The following ADGRG7 variants were observed in gnomAD, a reference collection of about 807,000 sequenced individuals.
The protein encoded by ADGRG7 is G-protein coupled receptor 128.
A neutral mutation model predicts 88.6 loss-of-function variants in ADGRG7; 82 were observed. That is an observed-to-expected ratio of 0.93 (90% CI 0.77 to 1.11). The LOEUF (loss-of-function observed/expected upper bound fraction) is 1.11. Among genes scored for constraint, ADGRG7 ranks in the 50% most tolerant of loss-of-function variants. ADGRG7 has a pLI of 0.00. For missense variants in ADGRG7, 945 were observed against 953.4 expected, an observed-to-expected ratio of 0.99 and a Z score of 0.12; for synonymous variants, 381 against 345.2, an observed-to-expected ratio of 1.10 and a Z score of -1.15.
chr3:100,655,326 G>A (rs927592522), intron 12 of ADGRG7, 145 bp downstream of exon 12: 24 of 595,518 alleles, frequency 4.0e-5, no homozygotes, highest in Admixed American at 3.0e-4. Context: ...AATACGTTCC[G>A]TCTAGTAGCT....
At chr3:100,617,651 T>G (rs74473858) in intron 1 of ADGRG7, among the ~76,000 whole-genome samples, 77,215 of 151,888 alleles carry the variant, frequency 0.51, 21,694 homozygotes, top group South Asian at 0.76. Flanking sequence ...TCTTTGCTAT[T>G]GTGAATAGTG....
intron 1 of ADGRG7, among the ~76,000 whole-genome samples, chr3:100,613,041 C>A (rs539572276): frequency 2.6e-5 from 4 of 152,222 alleles, no homozygotes; most frequent in Admixed American, 2.6e-4. Context: ...AGGCACTCAC[C>A]ACCACGCCTG....
rs752213605 is a variant in ADGRG7, at chr3:100,645,941, A to G, written c.947-4A>G. 6 of 1,611,606 alleles carry G rather than the reference A, an allele frequency of 3.7e-6. No individual in the cohort carries two copies. In the African/African-American group the frequency reaches 5.4e-5, roughly 14 times the overall value. On this transcript the variant is annotated splice_region_variant and splice_polypyrimidine_tract_variant and intron_variant, in intron 8 of 15. Coordinates refer to ENST00000273352, the MANE Select transcript of ADGRG7 (RefSeq NM_032787.3). ...TTGATTTTAATGTCTTTTTCTCCCTATAGATTACACCAAGACATGCGGCTT... is the reference window on the plus strand; with the variant it reads ...TTGATTTTAATGTCTTTTTCTCCCTGTAGATTACACCAAGACATGCGGCTT...
chr3:100,644,469 T>C (rs1235495530), intron 8 of ADGRG7, among the ~76,000 whole-genome samples: 3 of 152,308 alleles, frequency 2.0e-5, no homozygotes, highest in African/African-American at 7.2e-5. Context: ...GTACAGAAAG[T>C]AATGTGAACA....
intron 15 of ADGRG7, among the ~76,000 whole-genome samples, chr3:100,674,655 G>A (rs1410739231): frequency 1.3e-5 from 2 of 149,242 alleles, no homozygotes; most frequent in Non-Finnish European, 3.0e-5. Context: ...TCTGCTCACT[G>A]CAACCTCCAC....
intron 10 of ADGRG7, among the ~76,000 whole-genome samples, chr3:100,649,019 A>C (rs1273128116): frequency 6.6e-6 from 1 of 152,224 alleles, no homozygotes; most frequent in Non-Finnish European, 1.5e-5. Flanking sequence ...TTCCATATTT[A>C]TGAAAATATT....
At chr3:100,640,604 C>A (rs922324197) in intron 6 of ADGRG7, among the ~76,000 whole-genome samples, 1 of 152,142 alleles carries the variant, frequency 6.6e-6, no homozygotes, top group Admixed American at 6.6e-5. Context: ...TCACCACAAC[C>A]TCTGCCTCCC....
chr3:100,612,577 T>C (rs1388755836), intron 1 of ADGRG7, among the ~76,000 whole-genome samples: 2 of 152,224 alleles, frequency 1.3e-5, no homozygotes, highest in Non-Finnish European at 2.9e-5. Flanking sequence ...GATATAATCA[T>C]AGACAGATGT....
In ADGRG7 at chr3:100,694,778, C is replaced by G; in HGVS notation, c.2171C>G (p.Thr724Arg). 1.9e-6 allele frequency: 3 copies of G among 1,614,034 alleles called. No individual in the cohort carries two copies. The highest frequency in any genetic ancestry group is 1.7e-6 in the Non-Finnish European group (2 of 1,179,924). The part of the protein sequence containing the change: ...LQIFILYTVR[T>R]KVFQSEASKV... ...ATTTTTATCCTGTACACTGTTAGAA[C>G]AAAAGTCTTCCAGAGTGAAGCTTCC... is the stretch of plus-strand genomic sequence containing the variant. The change falls in exon 16 of 16, where the codon ACA becomes AGA. Residue 724 changes from threonine (T) to arginine (R), a missense_variant. Physicochemically the swap from Thr to Arg is moderately conservative, Grantham distance 71. Transcript: ENST00000273352.
At chr3:100,654,142 C>T (rs536932489) in intron 11 of ADGRG7, 2 of 152,362 alleles carry the variant, frequency 1.3e-5, no homozygotes, top group East Asian at 3.9e-4. Context: ...ACAGCTCCAC[C>T]CCGTTCTCCC....
intron 14 of ADGRG7, among the ~76,000 whole-genome samples, chr3:100,667,590 G>C (rs1158440227): frequency 6.6e-6 from 1 of 152,100 alleles, no homozygotes. Flanking sequence ...TGGACATTTG[G>C]GTTGGTTCCA....
In ADGRG7 at chr3:100,654,823, A is replaced by G. The variant is rs1275536495; in HGVS notation, c.1380-12A>G. On this transcript the variant is annotated splice_polypyrimidine_tract_variant and intron_variant, in intron 11 of 15. Transcript: ENST00000273352. Reference sequence around the variant, plus strand: ...TCATTTAATTTTTTTATATTAATTTACTTATTTTCAGGAAAGTCAGAAAAA... The same window carrying G: ...TCATTTAATTTTTTTATATTAATTTGCTTATTTTCAGGAAAGTCAGAAAAA... The G allele has an allele frequency of 1.4e-6, 2 of 1,466,476 alleles. No individual in the cohort carries two copies. Among genetic ancestry groups the G allele is most frequent in the Non-Finnish European group, 1.8e-6 (2 of 1,082,480 alleles). 90.8% of individuals were successfully genotyped at this position (1,466,476 alleles called of 1,614,324 possible). A position where few individuals can be genotyped will look rare whatever the true frequency, so the allele number is the denominator to read the frequency against.
chr3:100,621,367 G>T (rs980967358), intron 1 of ADGRG7, among the ~76,000 whole-genome samples: 2 of 152,202 alleles, frequency 1.3e-5, no homozygotes, highest in Non-Finnish European at 2.9e-5. Flanking sequence ...AATTGTGATT[G>T]CAAAGGAAAA....
intron 1 of ADGRG7, 123 bp from the exon 2 acceptor site, chr3:100,629,475 A>C: frequency 3.2e-6 from 2 of 626,870 alleles, no homozygotes; most frequent in Non-Finnish European, 5.8e-6. Context: ...TATTACAAAG[A>C]ATATTTCTCA....
At chr3:100,629,410 T>A (rs1707426093) in intron 1 of ADGRG7, among the ~76,000 whole-genome samples, 188 bp from the exon 2 acceptor site, 1 of 152,080 alleles carries the variant, frequency 6.6e-6, no homozygotes, top group Admixed American at 6.6e-5. Flanking sequence ...CCATAGCATC[T>A]AGTAAGCATT....
At position 100,645,981 on chromosome 3, in the gene ADGRG7, A is replaced by G. The variant is rs1182579141; in HGVS notation, c.983A>G (p.Asn328Ser). Residue 328 changes from asparagine (N) to serine (S), a missense_variant, in exon 9 of 16, where the codon AAT becomes AGT. Coordinates refer to ENST00000273352, the MANE Select transcript of ADGRG7 (RefSeq NM_032787.3). ...ACATGCGGCTTTGTAGTTTATCAAA[A>G]TGACAAGCTTTTCCAATCAAAAACT... is the stretch of plus-strand genomic sequence containing the variant. ...TKTCGFVVYQ[N>S]DKLFQSKTFT... 6.2e-7 allele frequency: 1 copy of G among 1,613,952 alleles called. No homozygotes were observed. The highest frequency in any genetic ancestry group is 8.5e-7 in the Non-Finnish European group (1 of 1,179,902).
At chr3:100,670,048 A>G (rs2094956482) in intron 15 of ADGRG7, among the ~76,000 whole-genome samples, 1 of 152,116 alleles carries the variant, frequency 6.6e-6, no homozygotes, top group African/African-American at 2.4e-5. Flanking sequence ...AAAAAAACAA[A>G]AATTATTATT....
rs573113750 is a variant in ADGRG7 at position 100,674,829 on chromosome 3, G to T, written c.2136+5724G>T. 2.6e-5 allele frequency among the ~76,000 whole-genome samples: 4 copies of T among 152,234 alleles called. No homozygotes were observed. The East Asian group carries it at 7.7e-4, about 29-fold the overall frequency. ...CCTGACCTCGTGATCCACCCACCTT[G>T]GCCTCCCAAAGTGCTGGGATTATAG... On this transcript the variant is annotated intron_variant, in intron 15 of 15. Coordinates refer to ENST00000273352, the MANE Select transcript of ADGRG7 (RefSeq NM_032787.3).
intron 1 of ADGRG7, among the ~76,000 whole-genome samples, chr3:100,625,428 T>C (rs1178060082): frequency 2.6e-5 from 4 of 152,062 alleles, no homozygotes; most frequent in African/African-American, 7.2e-5. Flanking sequence ...GTTTAAGGAG[T>C]TTTGGGGCTG....
Sources: allele counts gnomAD v4.1 joint callset (sites outside exome capture counted in the v4.1 genomes callset), GRCh38; gene constraint gnomAD v4.1.1; transcripts MANE v1.5; gene names NCBI Gene and HGNC (gene_info 2026-07-23, HGNC 2026-07-21).